Variants in POTEB3 observed in about 807,000 individuals in gnomAD.
POTEB3 encodes the protein ANKRD26-like family B member 1.
In POTEB3, 5 loss-of-function variants were observed where a neutral mutation model predicts 39.8. That is an observed-to-expected ratio of 0.13 (90% CI 0.07 to 0.26). The LOEUF is 0.26. Among genes scored for constraint, POTEB3 ranks in the 10% least tolerant of loss-of-function variants. The pLI is 1.00. For missense variants in POTEB3, 24 were observed against 475.6 expected (o/e 0.05, Z 8.83); for synonymous variants, 5 against 161.5 (o/e 0.03, Z 7.35).
At chr15:21,422,947 T>C in intron 6 of POTEB3, among the ~76,000 whole-genome samples, 1 of 144,798 alleles carries the variant, frequency 6.9e-6, no homozygotes. Context: ...AATCCTCTTG[T>C]TTGACCCACT....
intron 6 of POTEB3, among the ~76,000 whole-genome samples, chr15:21,423,033 A>G (rs1437130190): frequency 6.8e-6 from 1 of 148,010 alleles, no homozygotes; most frequent in African/African-American, 2.5e-5. Context: ...TGACACCTTT[A>G]TTAGTGTACA....
intron 7 of POTEB3, among the ~76,000 whole-genome samples, chr15:21,421,890 G>GT (rs1898518902): frequency 6.6e-6 from 1 of 151,840 alleles, no homozygotes; most frequent in African/African-American, 2.4e-5. Context: ...TAGTGGTTAC[G>GT]TTTTTAAGCT....
chr15:21,426,551 T>TA (rs1212996694), intron 6 of POTEB3, among the ~76,000 whole-genome samples: 3 of 142,668 alleles, frequency 2.1e-5, no homozygotes, highest in Non-Finnish European at 3.0e-5. Flanking sequence ...AGTGAAAACA[T>TA]AGAAATGTTT....
Position 21,406,483 on chromosome 15 carries a change from TA to T in POTEB3, c.*2499del. The T allele has an allele frequency of 1.7e-5, 1 of 60,532 alleles. No individual in the cohort carries two copies. Among genetic ancestry groups the T allele is most frequent in the South Asian group, 4.0e-4 (1 of 2,528 alleles). 3.7% of individuals were successfully genotyped at this position (60,532 alleles called of 1,614,324 possible). Reference sequence around the variant, plus strand: ...TGATTTACAGCTCTGTCAGGTCAGTTATTTTCTTCTTTATACTTGCTATTTT... The same window carrying T: ...TGATTTACAGCTCTGTCAGGTCAGTTTTTTCTTCTTTATACTTGCTATTTT... On this transcript the variant is annotated 3_prime_UTR_variant, in exon 11 of 11. Transcript: ENST00000611217.
chr15:21,413,878 A>G lies in POTEB3; in HGVS notation c.1410-2877T>C, dbSNP rs1898361615. Among the ~76,000 whole-genome samples the G allele has an allele frequency of 2.7e-5, 2 of 73,596 alleles. 1 individual carries two copies. The highest frequency in any genetic ancestry group is 4.7e-5 in the Non-Finnish European group (2 of 42,490). 48.3% of individuals were successfully genotyped at this position (73,596 alleles called of 152,430 possible). A position where few individuals can be genotyped will look rare whatever the true frequency, so the allele number is the denominator to read the frequency against. ...AATTTGACATGAGATTTGGGTGGAA[A>G]CACAAAGCGAAACTATTGGGGGGGG... On this transcript the variant is annotated intron_variant, in intron 9 of 10. Coordinates refer to ENST00000611217, the MANE Select transcript of POTEB3 (RefSeq NM_207355.5).
In POTEB3 at chr15:21,423,223, C is replaced by G. The variant is rs1420867374; in HGVS notation, c.1127-1033G>C. 2.5e-5 allele frequency among the ~76,000 whole-genome samples: 3 copies of G among 120,166 alleles called. No homozygotes were observed. The East Asian group carries it at 7.2e-4, about 29-fold the overall frequency. 78.8% of individuals were successfully genotyped at this position (120,166 alleles called of 152,430 possible). A position where few individuals can be genotyped will look rare whatever the true frequency, so the allele number is the denominator to read the frequency against. On this transcript the variant is annotated intron_variant, in intron 6 of 10. Transcript: ENST00000611217. ...TCAAATGATTCTCCTGTCTCAGTCT[C>G]CTGAGAAGCTGTGATTACAGGCACA...
chr15:21,433,877 C>T (rs77734323), intron 3 of POTEB3, among the ~76,000 whole-genome samples: 21,080 of 116,004 alleles, frequency 0.18, 188 homozygotes, highest in South Asian at 0.35. Context: ...ATATTCACTG[C>T]CAATCTGGTT....
At chr15:21,410,250 AT>A (rs1379159917) in intron 10 of POTEB3, among the ~76,000 whole-genome samples, 1 of 89,432 alleles carries the variant, frequency 1.1e-5, no homozygotes, top group Non-Finnish European at 2.0e-5. Flanking sequence ...TAAGTGTGAA[AT>A]ACGGGAAACG....
chr15:21,434,062 C>A (rs1234966114), intron 3 of POTEB3, among the ~76,000 whole-genome samples: 1,193 of 97,294 alleles, frequency 0.012, 24 homozygotes, highest in African/African-American at 0.059. Flanking sequence ...CACACACACA[C>A]ACAAACAAAA....
Position 21,408,065 on chromosome 15 carries a change from C to A in POTEB3, c.*918G>T, listed in dbSNP as rs1898249893. Reference sequence around the variant, plus strand: ...CAGGATGGAGGGTCTGTGCTGTGGGCCCAAGCCAGGGTTCCTTGTCTGTTG... The same window carrying A: ...CAGGATGGAGGGTCTGTGCTGTGGGACCAAGCCAGGGTTCCTTGTCTGTTG... On this transcript the variant is annotated 3_prime_UTR_variant, in exon 11 of 11. Coordinates refer to ENST00000611217, the MANE Select transcript of POTEB3 (RefSeq NM_207355.5). Among the ~76,000 whole-genome samples the A allele has an allele frequency of 1.2e-5, 1 of 81,806 alleles. No individual in the cohort carries two copies. The highest frequency in any genetic ancestry group is 2.2e-5 in the Non-Finnish European group (1 of 45,572). 53.7% of individuals were successfully genotyped at this position (81,806 alleles called of 152,430 possible).
At chr15:21,437,893 A>G (rs1899169628) in intron 1 of POTEB3, among the ~76,000 whole-genome samples, 1 of 64,354 alleles carries the variant, frequency 1.6e-5, no homozygotes. Flanking sequence ...TTACAGGTGC[A>G]TGCCACCATG....
chr15:21,423,336 A>T (rs4247041), intron 6 of POTEB3, among the ~76,000 whole-genome samples: 985 of 70,136 alleles, frequency 0.014, no homozygotes, highest in Middle Eastern at 0.038. Flanking sequence ...TGACCTTGTG[A>T]TCCACCTGCT....
chr15:21,433,422 T>C (rs1899055639), intron 3 of POTEB3, among the ~76,000 whole-genome samples: 1 of 149,668 alleles, frequency 6.7e-6, no homozygotes, highest in Non-Finnish European at 1.5e-5. Flanking sequence ...ATATCCAGGC[T>C]TTATTAGACT....
chr15:21,425,000 G>T (rs1425643298), intron 6 of POTEB3: 2 of 147,970 alleles, frequency 1.4e-5, no homozygotes, highest in Non-Finnish European at 3.0e-5. Flanking sequence ...CCAAAAAAAG[G>T]CCAACACATT....
In POTEB3 at chr15:21,408,096, C is replaced by A; in HGVS notation, c.*887G>T. ...CCAGGGTTCCTTGTCTGTTGATGAG[C>A]AGTAAGGGGTGTGTTGTACCCGTGG... is the stretch of plus-strand genomic sequence containing the variant. On this transcript the variant is annotated 3_prime_UTR_variant, in exon 11 of 11. Transcript: ENST00000611217. 1.2e-5 allele frequency: 1 copy of A among 82,880 alleles called. No homozygotes were observed. Among genetic ancestry groups the A allele is most frequent in the Non-Finnish European group, 2.2e-5 (1 of 46,250 alleles). 5.1% of individuals were successfully genotyped at this position (82,880 alleles called of 1,614,324 possible).
intron 4 of POTEB3, 70 bp downstream of exon 4, chr15:21,431,668 AT>A: frequency 7.3e-7 from 1 of 1,364,318 alleles, no homozygotes; most frequent in African/African-American, 1.6e-5. Context: ...GATCTTATTA[AT>A]TTATTATTTA....
intron 5 of POTEB3, chr15:21,428,942 C>CT (rs1898838419): frequency 7.0e-6 from 1 of 143,240 alleles, no homozygotes; most frequent in Non-Finnish European, 1.5e-5. Flanking sequence ...CTAACTTTCT[C>CT]TGTATTGTTC....
chr15:21,418,021 C>G lies in POTEB3; in HGVS notation c.1409+1443G>C, dbSNP rs1389471902. ...TAAAGAATCTTGGAACGCAGCCATGCTTATTCACTTTACAGTCCATAGAGT... is the reference window on the plus strand; with the variant it reads ...TAAAGAATCTTGGAACGCAGCCATGGTTATTCACTTTACAGTCCATAGAGT... On this transcript the variant is annotated intron_variant, in intron 9 of 10. Coordinates refer to ENST00000611217, the MANE Select transcript of POTEB3 (RefSeq NM_207355.5). 5.8e-5 allele frequency among the ~76,000 whole-genome samples: 6 copies of G among 103,228 alleles called. 1 individual carries two copies. Among genetic ancestry groups the G allele is most frequent in the Non-Finnish European group, 1.1e-4 (6 of 55,454 alleles). The allele number at this position is 103,228 out of a possible 152,430, so 67.7% of individuals were successfully genotyped here.
chr15:21,434,056 C>A (rs1354957923), intron 3 of POTEB3, among the ~76,000 whole-genome samples: 2 of 101,736 alleles, frequency 2.0e-5, no homozygotes, highest in African/African-American at 1.0e-4. Context: ...CACACACACA[C>A]ACACACACAA....
Sources: allele counts gnomAD v4.1 joint callset (sites outside exome capture counted in the v4.1 genomes callset), GRCh38; gene constraint gnomAD v4.1.1; transcripts MANE v1.5; gene names NCBI Gene and HGNC (gene_info 2026-07-23, HGNC 2026-07-21).